Variants in TMUB1 observed in about 807,000 individuals in gnomAD.
The protein encoded by TMUB1 is transmembrane and ubiquitin like domain containing 1, also known as transmembrane and ubiquitin-like domain-containing protein 1.
TMUB1 carries 9 observed loss-of-function variants against 16.2 expected under a neutral mutation model. The ratio of observed to expected loss-of-function variants is 0.55; its 90% CI spans 0.33 to 0.97. The LOEUF is 0.97. Among genes scored for constraint, TMUB1 ranks in the 50% least tolerant of loss-of-function variants. TMUB1 has a pLI of 0.03. For missense variants in TMUB1, 309 were observed against 313.5 expected, an observed-to-expected ratio of 0.99 and a Z score of 0.11; for synonymous variants, 155 against 152.2, an observed-to-expected ratio of 1.02 and a Z score of -0.13.
Position 151,082,729 on chromosome 7 carries a change from C to G in TMUB1, c.-30-136G>C. ...CCGTCCCCTCACCCACCCCAGGGTA[C>G]CGGCTTCTCTGCCTCCCAGTCGCCC... On this transcript the variant is annotated intron_variant, in intron 1 of 2. Transcript: ENST00000297533. The surrounding 1 kb of genome is among the most constrained non-coding windows in gnomAD (Gnocchi z 7.0). 1 of 652,204 alleles carries G rather than the reference C, an allele frequency of 1.5e-6. No homozygotes were observed. The highest frequency in any genetic ancestry group is 2.2e-6 in the Non-Finnish European group (1 of 451,420). 40.4% of individuals were successfully genotyped at this position (652,204 alleles called of 1,614,324 possible).
Position 151,082,534 on chromosome 7 carries a change from C to T in TMUB1, c.30G>A (p.Glu10=), listed in dbSNP as rs773317576. 2.6e-6 allele frequency: 4 copies of T among 1,524,702 alleles called. No individual in the cohort carries two copies. The highest frequency in any genetic ancestry group is 1.8e-4 in the Middle Eastern group (1 of 5,634). 94.4% of individuals were successfully genotyped at this position (1,524,702 alleles called of 1,614,324 possible). MTLIEGVGD[E]VTVLFSVLAC... is the part of the protein sequence containing the mutation. ...CAAGCACCGAGAAAAGGACGGTCAC[C>T]TCATCACCCACCCCTTCAATCAGGG... The change falls in exon 2 of 3, where the codon GAG becomes GAA. Residue 10 remains glutamate, a synonymous_variant. Transcript: ENST00000297533. The surrounding 1 kb of genome is among the most constrained non-coding windows in gnomAD (Gnocchi z 7.0).
rs1797977857 is a variant in TMUB1, at chr7:151,081,344, G to C, written c.*205C>G. ...TCCCAGTGCGGGCTGAGGGTCAGCA[G>C]CCCCGGGAGGTGGCCCCGAGCCCCG... On this transcript the variant is annotated 3_prime_UTR_variant, in exon 3 of 3. Transcript: ENST00000297533. This position sits in a 1 kb window ranked among gnomAD's most constrained non-coding sequence, Gnocchi z 7.6. 3.2e-6 allele frequency: 3 copies of C among 941,510 alleles called. No homozygotes were observed. The highest frequency in any genetic ancestry group is 4.0e-4 in the Middle Eastern group (1 of 2,506). 58.3% of individuals were successfully genotyped at this position (941,510 alleles called of 1,614,324 possible). A position where few individuals can be genotyped will look rare whatever the true frequency, so the allele number is the denominator to read the frequency against.
rs1305235863 is a variant in TMUB1 at position 151,083,255 on chromosome 7, C to G, written c.-31+179G>C. The stretch of plus-strand genomic sequence containing the variant: ...CGCCTCCTCTGGAAGTCTCTCCAAG[C>G]CCCCCGGGCTGCCTGACCCCAGATC... On this transcript the variant is annotated intron_variant, in intron 1 of 2. Coordinates refer to ENST00000297533, the MANE Select transcript of TMUB1 (RefSeq NM_001136044.2). This position sits in a 1 kb window ranked among gnomAD's most constrained non-coding sequence, Gnocchi z 5.9. 1 of 152,160 alleles carries G rather than the reference C, an allele frequency of 6.6e-6. No homozygotes were observed. Among genetic ancestry groups the G allele is most frequent in the African/African-American group, 2.4e-5 (1 of 41,434 alleles). The allele number at this position is 152,160 out of a possible 1,614,324, so 9.4% of individuals were successfully genotyped here. A position where few individuals can be genotyped will look rare whatever the true frequency, so the allele number is the denominator to read the frequency against.
chr7:151,082,987 G>A lies in TMUB1; in HGVS notation c.-30-394C>T, dbSNP rs1340110926. The A allele has an allele frequency of 6.0e-6, 1 of 165,524 alleles. No individual in the cohort carries two copies. The highest frequency in any genetic ancestry group is 2.4e-5 in the African/African-American group (1 of 41,918). 10.3% of individuals were successfully genotyped at this position (165,524 alleles called of 1,614,324 possible). A position where few individuals can be genotyped will look rare whatever the true frequency, so the allele number is the denominator to read the frequency against. ...TACTCCTTCACCGACTTCACCCCAG[G>A]CTCATCTACTCCGCTGCTAAAGTTT... On this transcript the variant is annotated intron_variant, in intron 1 of 2. Transcript: ENST00000297533. The surrounding 1 kb of genome is among the most constrained non-coding windows in gnomAD (Gnocchi z 7.0).
In TMUB1 at chr7:151,081,801, G is replaced by T. The variant is rs1318760527; in HGVS notation, c.489C>A (p.Pro163=). The change falls in exon 3 of 3, where the codon CCC becomes CCA. Residue 163 remains proline (P), a synonymous_variant. Coordinates refer to ENST00000297533, the MANE Select transcript of TMUB1 (RefSeq NM_001136044.2). This position sits in a 1 kb window ranked among gnomAD's most constrained non-coding sequence, Gnocchi z 7.6. ...TQTLGSLHLP[P]NCVLHCHVST... ...ACACGTGGCAGTGGAGAACGCAGTT[G>T]GGAGGGAGGTGAAGGCTGCCCAGGG... 1.5e-5 allele frequency: 23 copies of T among 1,581,440 alleles called. No homozygotes were observed. The highest frequency in any genetic ancestry group is 2.0e-5 in the Non-Finnish European group (23 of 1,162,454).
chr7:151,081,436 C>A lies in TMUB1; in HGVS notation c.*113G>T. Reference sequence around the variant, plus strand: ...TGCGGCGCAGGGCTGGGCTCCAGGGCGGCGGGAAGAGGCAGGCCGGAGAGG... The same window carrying A: ...TGCGGCGCAGGGCTGGGCTCCAGGGAGGCGGGAAGAGGCAGGCCGGAGAGG... On this transcript the variant is annotated 3_prime_UTR_variant, in exon 3 of 3. Transcript: ENST00000297533. The surrounding 1 kb of genome is among the most constrained non-coding windows in gnomAD (Gnocchi z 7.6). The A allele has an allele frequency of 7.4e-7, 1 of 1,359,958 alleles. No individual in the cohort carries two copies. Among genetic ancestry groups the A allele is most frequent in the Non-Finnish European group, 9.5e-7 (1 of 1,057,220 alleles). 84.2% of individuals were successfully genotyped at this position (1,359,958 alleles called of 1,614,324 possible). A position where few individuals can be genotyped will look rare whatever the true frequency, so the allele number is the denominator to read the frequency against.
At position 151,082,419 on chromosome 7, in the gene TMUB1, G is replaced by A. The variant is rs961442375; in HGVS notation, c.145C>T (p.Pro49Ser). Reference protein sequence around the residue: ...PLPQPSGTPTPSQPSAAMAAT... With the variant: ...PLPQPSGTPTSSQPSAAMAAT... ...GCCATGGCTGCGCTGGGCTGGGATG[G>A]CGTTGGGGTCCCTGACGGCTGGGGC... The change falls in exon 2 of 3, where the codon CCA becomes TCA. Residue 49 changes from proline (P) to serine (S), a missense_variant. Transcript: ENST00000297533. The surrounding 1 kb of genome is among the most constrained non-coding windows in gnomAD (Gnocchi z 7.0). 6.2e-7 allele frequency: 1 copy of A among 1,608,920 alleles called. No individual in the cohort carries two copies. Among genetic ancestry groups the A allele is most frequent in the African/African-American group, 1.3e-5 (1 of 74,756 alleles).
chr7:151,081,725 C>T lies in TMUB1; in HGVS notation c.565G>A (p.Gly189Ser), dbSNP rs780274899. 4.4e-6 allele frequency: 7 copies of T among 1,584,068 alleles called. No individual in the cohort carries two copies. The highest frequency in any genetic ancestry group is 1.7e-4 in the Middle Eastern group (1 of 5,982). Residue 189 changes from glycine (G) to serine (S), a missense_variant, in exon 3 of 3, where the codon GGC becomes AGC. Transcript: ENST00000297533. The surrounding 1 kb of genome is among the most constrained non-coding windows in gnomAD (Gnocchi z 7.6). The stretch of plus-strand genomic sequence containing the variant: ...CTGCCGATTTCCAGCCCGGAGGGGC[C>T]GGGCTCGGACCCCGGCGGGCAGGGG... ...NPPCPPGSEP[G>S]PSGLEIGSLL...
Position 151,081,773 on chromosome 7 carries a change from T to G in TMUB1, c.517A>C (p.Thr173Pro), listed in dbSNP as rs566888425. The G allele has an allele frequency of 7.5e-6, 12 of 1,594,746 alleles. No homozygotes were observed. In the African/African-American group the frequency reaches 1.6e-4, roughly 21 times the overall value. ...PNCVLHCHVS[T>P]RVGPPNPPCP... ...GGGGGATTTGGGGGACCGACTCTCG[T>G]GGACACGTGGCAGTGGAGAACGCAG... The change falls in exon 3 of 3, where the codon ACG becomes CCG. Residue 173 changes from threonine (T) to proline (P), a missense_variant. Physicochemically the swap from Thr to Pro is conservative, Grantham distance 38 (BLOSUM62 -1). Transcript: ENST00000297533. The surrounding 1 kb of genome is among the most constrained non-coding windows in gnomAD (Gnocchi z 7.6).
rs754064689 is a variant in TMUB1, at chr7:151,082,134, C to A, written c.389+41G>T. The A allele has an allele frequency of 2.7e-6, 4 of 1,496,250 alleles. No individual in the cohort carries two copies. Among genetic ancestry groups the A allele is most frequent in the African/African-American group, 2.8e-5 (2 of 71,050 alleles). 92.7% of individuals were successfully genotyped at this position (1,496,250 alleles called of 1,614,324 possible). ...GGGCCTTCTGCGACCACTCTCCCAA[C>A]CCCTGTCTTTAGCATTGCTCCTGCC... On this transcript the variant is annotated intron_variant, in intron 2 of 2. Coordinates refer to ENST00000297533, the MANE Select transcript of TMUB1 (RefSeq NM_001136044.2). This position sits in a 1 kb window ranked among gnomAD's most constrained non-coding sequence, Gnocchi z 7.0.
chr7:151,081,405 G>A lies in TMUB1; in HGVS notation c.*144C>T, dbSNP rs1444449018. The A allele has an allele frequency of 1.6e-6, 2 of 1,258,816 alleles. No individual in the cohort carries two copies. The highest frequency in any genetic ancestry group is 1.0e-6 in the Non-Finnish European group (1 of 1,000,514). 78.0% of individuals were successfully genotyped at this position (1,258,816 alleles called of 1,614,324 possible). A position where few individuals can be genotyped will look rare whatever the true frequency, so the allele number is the denominator to read the frequency against. ...GGCGGGGCCTCCGCCAGTCCCGGGAGTCCTCTGCGGCGCAGGGCTGGGCTC... is the reference window on the plus strand; with the variant it reads ...GGCGGGGCCTCCGCCAGTCCCGGGAATCCTCTGCGGCGCAGGGCTGGGCTC... On this transcript the variant is annotated 3_prime_UTR_variant, in exon 3 of 3. Coordinates refer to ENST00000297533, the MANE Select transcript of TMUB1 (RefSeq NM_001136044.2). The surrounding 1 kb of genome is among the most constrained non-coding windows in gnomAD (Gnocchi z 7.6).
chr7:151,081,873 C>G lies in TMUB1; in HGVS notation c.417G>C (p.Gln139His). ...KRTQFPGREQ[Q>H]VRLIYQGQLL... ...GCTGCCCTTGGTAGATGAGTCGCACCTGCTGTTCCCGGCCGGGAAACTGGG... is the reference window on the plus strand; with the variant it reads ...GCTGCCCTTGGTAGATGAGTCGCACGTGCTGTTCCCGGCCGGGAAACTGGG... Residue 139 changes from glutamine to histidine, a missense_variant, in exon 3 of 3, where the codon CAG becomes CAC. Transcript: ENST00000297533. This position sits in a 1 kb window ranked among gnomAD's most constrained non-coding sequence, Gnocchi z 7.6. 1 of 1,491,948 alleles carries G rather than the reference C, an allele frequency of 6.7e-7. No homozygotes were observed. The highest frequency in any genetic ancestry group is 1.4e-5 in the South Asian group (1 of 72,496). The allele number at this position is 1,491,948 out of a possible 1,614,324, so 92.4% of individuals were successfully genotyped here. A position where few individuals can be genotyped will look rare whatever the true frequency, so the allele number is the denominator to read the frequency against.
chr7:151,082,849 C>T lies in TMUB1; in HGVS notation c.-30-256G>A. ...AGGTCTTCAACCAGCTCCCAACTCA[C>T]CCAAACCCTATCCCAAGGTAAGGGC... On this transcript the variant is annotated intron_variant, in intron 1 of 2. Coordinates refer to ENST00000297533, the MANE Select transcript of TMUB1 (RefSeq NM_001136044.2). This position sits in a 1 kb window ranked among gnomAD's most constrained non-coding sequence, Gnocchi z 7.0. The T allele has an allele frequency of 2.8e-6, 1 of 359,320 alleles. No individual in the cohort carries two copies. 22.3% of individuals were successfully genotyped at this position (359,320 alleles called of 1,614,324 possible). A position where few individuals can be genotyped will look rare whatever the true frequency, so the allele number is the denominator to read the frequency against.
Position 151,082,699 on chromosome 7 carries a change from A to G in TMUB1, c.-30-106T>C. On this transcript the variant is annotated intron_variant, in intron 1 of 2. Transcript: ENST00000297533. The surrounding 1 kb of genome is among the most constrained non-coding windows in gnomAD (Gnocchi z 7.0). The stretch of plus-strand genomic sequence containing the variant: ...CCACCGCGACGCTCCCACCGTCCTC[A>G]GCCTCCGTCCCCTCACCCACCCCAG... The G allele has an allele frequency of 1.3e-5, 12 of 951,712 alleles. No homozygotes were observed. The highest frequency in any genetic ancestry group is 1.7e-5 in the Non-Finnish European group (12 of 715,292). 59.0% of individuals were successfully genotyped at this position (951,712 alleles called of 1,614,324 possible).
chr7:151,082,966 C>A lies in TMUB1; in HGVS notation c.-30-373G>T. On this transcript the variant is annotated intron_variant, in intron 1 of 2. Transcript: ENST00000297533. This position sits in a 1 kb window ranked among gnomAD's most constrained non-coding sequence, Gnocchi z 7.0. ...CCCACTTCACCCCAGTGTGTCTACT[C>A]CTTCACCGACTTCACCCCAGGCTCA... 1 of 177,352 alleles carries A rather than the reference C, an allele frequency of 5.6e-6. No individual in the cohort carries two copies. The allele number at this position is 177,352 out of a possible 1,614,324, so 11.0% of individuals were successfully genotyped here.
chr7:151,081,467 C>A lies in TMUB1; in HGVS notation c.*82G>T. 1 of 1,410,186 alleles carries A rather than the reference C, an allele frequency of 7.1e-7. No individual in the cohort carries two copies. The highest frequency in any genetic ancestry group is 9.2e-7 in the Non-Finnish European group (1 of 1,083,718). 87.4% of individuals were successfully genotyped at this position (1,410,186 alleles called of 1,614,324 possible). On this transcript the variant is annotated 3_prime_UTR_variant, in exon 3 of 3. Coordinates refer to ENST00000297533, the MANE Select transcript of TMUB1 (RefSeq NM_001136044.2). The surrounding 1 kb of genome is among the most constrained non-coding windows in gnomAD (Gnocchi z 7.6). Reference sequence around the variant, plus strand: ...GAAGAGGCAGGCCGGAGAGGCGGGCCTGGGCAGGCAGCAGCTCCCGCCGCG... The same window carrying A: ...GAAGAGGCAGGCCGGAGAGGCGGGCATGGGCAGGCAGCAGCTCCCGCCGCG...
Position 151,082,074 on chromosome 7 carries a change from A to C in TMUB1, c.389+101T>G, listed in dbSNP as rs1798007222. On this transcript the variant is annotated intron_variant, in intron 2 of 2. Transcript: ENST00000297533. The surrounding 1 kb of genome is among the most constrained non-coding windows in gnomAD (Gnocchi z 7.0). ...GTGATCTGGGGCGCTCAGCGCCTCC[A>C]GTATAAAGGAGGGCTGGGTCTTAGG... The C allele has an allele frequency of 7.0e-6, 10 of 1,437,966 alleles. No individual in the cohort carries two copies. 89.1% of individuals were successfully genotyped at this position (1,437,966 alleles called of 1,614,324 possible).
Position 151,082,003 on chromosome 7 carries a change from G to T in TMUB1, c.390-103C>A. 2 of 1,394,566 alleles carry T rather than the reference G, an allele frequency of 1.4e-6. No individual in the cohort carries two copies. Among genetic ancestry groups the T allele is most frequent in the South Asian group, 1.5e-5 (1 of 65,068 alleles). The allele number at this position is 1,394,566 out of a possible 1,614,324, so 86.4% of individuals were successfully genotyped here. The stretch of plus-strand genomic sequence containing the variant: ...CTCCCCCTGCCCTCCACAACACACC[G>T]GCCCTGGCCTGGGAGGGGCCGTCTG... On this transcript the variant is annotated intron_variant, in intron 2 of 2. Coordinates refer to ENST00000297533, the MANE Select transcript of TMUB1 (RefSeq NM_001136044.2). This position sits in a 1 kb window ranked among gnomAD's most constrained non-coding sequence, Gnocchi z 7.0.
chr7:151,082,192 G>T lies in TMUB1; in HGVS notation c.372C>A (p.Thr124=). ...EQVARAWPHD[T]IGSLKRTQFP... ...CTACTTACCTTTTCAAGGAGCCAAT[G>T]GTGTCGTGGGGCCAGGCCCTGGCCA... The change falls in exon 2 of 3, where the codon ACC becomes ACA. Residue 124 remains threonine, a synonymous_variant. Coordinates refer to ENST00000297533, the MANE Select transcript of TMUB1 (RefSeq NM_001136044.2). The surrounding 1 kb of genome is among the most constrained non-coding windows in gnomAD (Gnocchi z 7.0). 6.6e-7 allele frequency: 1 copy of T among 1,511,710 alleles called. No homozygotes were observed. Among genetic ancestry groups the T allele is most frequent in the Non-Finnish European group, 8.9e-7 (1 of 1,128,782 alleles). 93.6% of individuals were successfully genotyped at this position (1,511,710 alleles called of 1,614,324 possible).
Sources: allele counts gnomAD v4.1 joint callset, GRCh38; gene constraint gnomAD v4.1.1; non-coding constraint Gnocchi (gnomAD v3.1); transcripts MANE v1.5; gene names NCBI Gene and HGNC (gene_info 2026-07-23, HGNC 2026-07-21).